AHNAK: variants seen among roughly 807,000 people sequenced by gnomAD.
AHNAK encodes the protein AHNAK nucleoprotein, also known as neuroblast differentiation-associated protein AHNAK.
Under a neutral mutation model 37.8 loss-of-function variants are expected in AHNAK, and 23 were observed. That is an observed-to-expected ratio of 0.61 (90% CI 0.44 to 0.86). The LOEUF (loss-of-function observed/expected upper bound fraction) is 0.86, where lower values mean the gene tolerates loss of function less well. AHNAK is among the 40% of genes least tolerant of loss of function. The pLI is 0.00. For synonymous variants in AHNAK, 2,481 were observed against 2,636.3 expected (o/e 0.94, Z 1.80); for missense variants, 7,411 against 7,319.4 (o/e 1.01, Z -0.46).
At chr11:62,510,204 C>G (rs375296330) in intron 4 of AHNAK, among the ~76,000 whole-genome samples, 7 of 151,560 alleles carry the variant, frequency 4.6e-5, no homozygotes, top group Admixed American at 3.3e-4. Flanking sequence ...CCACCACACC[C>G]GGCTAATTTT....
chr11:62,449,404 G>C (rs1201468565), intron 5 of AHNAK, among the ~76,000 whole-genome samples: 2 of 152,194 alleles, frequency 1.3e-5, no homozygotes, highest in Admixed American at 1.3e-4. Context: ...AACCAGAGAG[G>C]GAGGCAGGAG....
At position 62,519,871 on chromosome 11, in the gene AHNAK, A is replaced by T. The variant is rs1940166670; in HGVS notation, c.14546T>A (p.Ile4849Asn). The change falls in exon 5 of 5, where the codon ATC becomes AAC. Residue 4849 changes from isoleucine to asparagine, a missense_variant. Physicochemically the swap from Ile to Asn is moderately radical, Grantham distance 149 (BLOSUM62 -3). Transcript: ENST00000378024. ...MPEINIKAPK[I>N]SIPDVDLDLK... is the part of the protein sequence containing the mutation. ...ATCCAGGTCAACATCAGGTATGGAG[A>T]TCTTGGGAGCTTTGATATTTATTTC... The T allele has an allele frequency of 6.2e-7, 1 of 1,613,808 alleles. No individual in the cohort carries two copies. Among genetic ancestry groups the T allele is most frequent in the African/African-American group, 1.3e-5 (1 of 74,866 alleles).
In AHNAK at chr11:62,530,230, T is replaced by C; in HGVS notation, c.4187A>G (p.Lys1396Arg). The C allele has an allele frequency of 6.2e-7, 1 of 1,612,490 alleles. No homozygotes were observed. The highest frequency in any genetic ancestry group is 8.5e-7 in the Non-Finnish European group (1 of 1,179,658). Residue 1396 changes from lysine to arginine, a missense_variant, in exon 5 of 5, where the codon AAA becomes AGA. Lys to Arg is a conservative substitution (Grantham distance 26, BLOSUM62 2). Coordinates refer to ENST00000378024, the MANE Select transcript of AHNAK (RefSeq NM_001620.3). Reference sequence around the variant, plus strand: ...CACATCCACTTCAGGGCCCTCTCCTTTGAAGCCGGGCATGCTGAACTTGGG... The same window carrying C: ...CACATCCACTTCAGGGCCCTCTCCTCTGAAGCCGGGCATGCTGAACTTGGG... ...KMPKFSMPGF[K>R]GEGPEVDVKL... is the part of the protein sequence containing the mutation.
rs972781151 is a variant in AHNAK at position 62,530,896 on chromosome 11, G to A, written c.3521C>T (p.Pro1174Leu). 6.2e-7 allele frequency: 1 copy of A among 1,613,478 alleles called. No homozygotes were observed. Among genetic ancestry groups the A allele is most frequent in the African/African-American group, 1.3e-5 (1 of 74,716 alleles). ...CTTGGGACCCTTCAGCTTCCCTTCT[G>A]GACCTTCGAGGCTCACATCTGGGGC... ...IEAPDVSLEG[P>L]EGKLKGPKFK... Residue 1174 changes from proline to leucine, a missense_variant, in exon 5 of 5, where the codon CCA becomes CTA. Transcript: ENST00000378024.
In AHNAK at chr11:62,531,179, T is replaced by C; in HGVS notation, c.3238A>G (p.Lys1080Glu). The C allele has an allele frequency of 6.2e-7, 1 of 1,614,130 alleles. No individual in the cohort carries two copies. ...GAGATATCTACATTTCCTTTCATTTTGGGTCCTTTAAGATCCAGGTCAACA... is the reference window on the plus strand; with the variant it reads ...GAGATATCTACATTTCCTTTCATTTCGGGTCCTTTAAGATCCAGGTCAACA... The part of the protein sequence containing the change: ...PDVDLDLKGP[K>E]MKGNVDISAP... The change falls in exon 5 of 5, where the codon AAA (lysine) becomes GAA (glutamate). Residue 1080 changes from lysine to glutamate, a missense_variant. Transcript: ENST00000378024.
intron 5 of AHNAK, among the ~76,000 whole-genome samples, chr11:62,474,429 C>G (rs1310725997): frequency 6.6e-6 from 1 of 152,098 alleles, no homozygotes; most frequent in Non-Finnish European, 1.5e-5. Flanking sequence ...CGTGATCTGC[C>G]CTCAGCCTCC....
exon 5 of AHNAK, chr11:62,491,830 T>C (rs1215962099): frequency 1.2e-6 from 2 of 1,609,980 alleles, no homozygotes; most frequent in East Asian, 2.2e-5. Flanking sequence ...CTGTGGTGTG[T>C]TCTAACAAGG....
At chr11:62,542,183 A>T (rs1390192393) in intron 1 of AHNAK, among the ~76,000 whole-genome samples, 1 of 151,982 alleles carries the variant, frequency 6.6e-6, no homozygotes, top group African/African-American at 2.4e-5. Context: ...CCTCAGCCCC[A>T]TTCTCCACTC....
Position 62,518,319 on chromosome 11 carries a change from C to A in AHNAK, c.16098G>T (p.Arg5366Ser). The change falls in exon 5 of 5, where the codon AGG (arginine) becomes AGT (serine). Residue 5366 changes from arginine (R) to serine (S), a missense_variant. Transcript: ENST00000378024. Reference protein sequence around the residue: ...LNVGAPDVTLRGPSLQGDLAV... With the variant: ...LNVGAPDVTLSGPSLQGDLAV... ...CCAGATCTCCCTGCAGGCTTGGTCC[C>A]CTCAGTGTCACATCTGGTGCCCCAA... The A allele has an allele frequency of 6.2e-7, 1 of 1,614,162 alleles. No individual in the cohort carries two copies. The highest frequency in any genetic ancestry group is 8.5e-7 in the Non-Finnish European group (1 of 1,180,026).
chr11:62,527,719 T>G lies in AHNAK; in HGVS notation c.6698A>C (p.Asp2233Ala), dbSNP rs367786622. 2 of 1,614,020 alleles carry G rather than the reference T, an allele frequency of 1.2e-6. No individual in the cohort carries two copies. The highest frequency in any genetic ancestry group is 2.7e-5 in the African/African-American group (2 of 74,982). The change falls in exon 5 of 5, where the codon GAT (aspartate) becomes GCT (alanine). Residue 2233 changes from aspartate (D) to alanine (A), a missense_variant. By Grantham distance (126) the Asp-to-Ala change is moderately radical (BLOSUM62 -2). Transcript: ENST00000378024. ...PKVDIDAPDV[D>A]VHGPDWHLKM... ...CAGGTGCCAGTCTGGGCCATGAACA[T>G]CCACATCTGGGGCATCAATGTCCAC...
intron 4 of AHNAK, among the ~76,000 whole-genome samples, chr11:62,498,557 G>C (rs1209832765): frequency 6.7e-6 from 1 of 148,976 alleles, no homozygotes; most frequent in East Asian, 2.0e-4. Context: ...CCAGAAGTTT[G>C]AGAGCAGCAC....
At chr11:62,467,405 C>T (rs974343001) in intron 5 of AHNAK, among the ~76,000 whole-genome samples, 3 of 152,178 alleles carry the variant, frequency 2.0e-5, no homozygotes, top group African/African-American at 7.2e-5. Flanking sequence ...CCTCTTGAGG[C>T]TTGGCGCAGT....
chr11:62,491,164 G>A (rs985568081), intron 5 of AHNAK, among the ~76,000 whole-genome samples: 4 of 152,020 alleles, frequency 2.6e-5, no homozygotes, highest in South Asian at 2.1e-4. Flanking sequence ...ACATGGCTAC[G>A]GCCCACACTG....
chr11:62,531,266 T>C lies in AHNAK; in HGVS notation c.3151A>G (p.Lys1051Glu). Reference protein sequence around the residue: ...LSLEGPEGKLKGPKFKMPEMH... With the variant: ...LSLEGPEGKLEGPKFKMPEMH... ...TCAGGCATCTTAAACTTCGGGCCTT[T>C]CAACTTCCCTTCAGGTCCTTCAAGG... The change falls in exon 5 of 5, where the codon AAA (lysine) becomes GAA (glutamate). Residue 1051 changes from lysine to glutamate, a missense_variant. Transcript: ENST00000378024. The C allele has an allele frequency of 6.2e-7, 1 of 1,613,686 alleles. No individual in the cohort carries two copies. The highest frequency in any genetic ancestry group is 8.5e-7 in the Non-Finnish European group (1 of 1,179,808).
Position 62,517,316 on chromosome 11 carries a change from C to T in AHNAK, c.17101G>A (p.Glu5701Lys). 2 of 1,614,170 alleles carry T rather than the reference C, an allele frequency of 1.2e-6. No homozygotes were observed. Among genetic ancestry groups the T allele is most frequent in the Middle Eastern group, 1.6e-4 (1 of 6,062 alleles). ...IQAGAGDGEW[E>K]ESEVKLKKSK... is the part of the protein sequence containing the mutation. ...TTTTTCAGTTTGACTTCAGACTCTT[C>T]CCACTCGCCGTCTCCAGCACCAGCT... Residue 5701 changes from glutamate (E) to lysine (K), a missense_variant, in exon 5 of 5, where the codon GAA becomes AAA. Coordinates refer to ENST00000378024, the MANE Select transcript of AHNAK (RefSeq NM_001620.3).
chr11:62,510,069 T>C lies in AHNAK; in HGVS notation c.343-18238A>G, dbSNP rs141686004. ...TTTTGTTTGTTTGTTTGTTTGTTTG[T>C]TTGTTTGAGACGGAGTCTCACTCTG... On this transcript the variant is annotated intron_variant, in intron 4 of 5. Coordinates refer to the AHNAK transcript ENST00000257247. 1.2e-3 allele frequency among the ~76,000 whole-genome samples: 181 copies of C among 148,718 alleles called. 4 individuals carry two copies. The East Asian group carries it at 0.037, about 30-fold the overall frequency.
At chr11:62,496,565 G>A (rs1939612605) in intron 4 of AHNAK, among the ~76,000 whole-genome samples, 1 of 152,162 alleles carries the variant, frequency 6.6e-6, no homozygotes, top group Non-Finnish European at 1.5e-5. Flanking sequence ...GGGAGGCCGA[G>A]GCGGGCAGAT....
intron 5 of AHNAK, among the ~76,000 whole-genome samples, chr11:62,440,222 C>T (rs1157582915): frequency 6.6e-6 from 1 of 152,110 alleles, no homozygotes; most frequent in East Asian, 1.9e-4. Context: ...TCACAGGGGC[C>T]TTAGATATGA....
rs1938100902 is a variant in AHNAK at position 62,433,858 on chromosome 11, G to A, written c.*26C>T. The A allele has an allele frequency of 3.1e-6, 5 of 1,613,716 alleles. No individual in the cohort carries two copies. In the South Asian group the frequency reaches 4.4e-5, roughly 14 times the overall value. On this transcript the variant is annotated 3_prime_UTR_variant, in exon 6 of 6. Coordinates refer to the AHNAK transcript ENST00000257247. ...AACGGTCACAAAAACAACCTTAAGAGGGGGTGGTTTTCTTCCTGGCCGCTT... is the reference window on the plus strand; with the variant it reads ...AACGGTCACAAAAACAACCTTAAGAAGGGGTGGTTTTCTTCCTGGCCGCTT...
Sources: gnomAD v4.1 joint callset for allele counts (sites outside exome capture counted in the v4.1 genomes callset) on GRCh38, gnomAD v4.1.1 for gene constraint, MANE v1.5 for transcripts, NCBI Gene and HGNC (gene_info 2026-07-23, HGNC 2026-07-21) for gene names.